The following VPS13B variants were observed in gnomAD, a reference collection of about 807,000 sequenced individuals.
VPS13B encodes intermembrane lipid transfer protein VPS13B.
In VPS13B, 285 loss-of-function variants were observed where a neutral mutation model predicts 426.4. That is an observed-to-expected ratio of 0.67 (90% CI 0.61 to 0.74). The LOEUF (loss-of-function observed/expected upper bound fraction) is 0.74. Among genes scored for constraint, VPS13B ranks in the 30% least tolerant of loss-of-function variants. The probability of loss-of-function intolerance (pLI) is 0.00; values close to 1 mark genes in which losing one functional copy is unlikely to be tolerated. For synonymous variants in VPS13B, 1,676 were observed against 1,676.4 expected (o/e 1.00, Z 0.01); for missense variants, 4,537 against 4,782.6 (o/e 0.95, Z 1.51).
chr8:99,405,770 C>T (rs1815290740), intron 21 of VPS13B, among the ~76,000 whole-genome samples: 1 of 151,562 alleles, frequency 6.6e-6, no homozygotes, highest in African/African-American at 2.4e-5. Context: ...TATACTTCAT[C>T]CTTTTTTTTC....
At chr8:99,407,531 C>T (rs1815394957) in intron 21 of VPS13B, among the ~76,000 whole-genome samples, 1 of 152,142 alleles carries the variant, frequency 6.6e-6, no homozygotes, top group Admixed American at 6.5e-5. Flanking sequence ...CATGACCTAG[C>T]ACAAGTAGGC....
At chr8:99,564,520 G>A (rs2099207574) in intron 31 of VPS13B, among the ~76,000 whole-genome samples, 1 of 152,204 alleles carries the variant, frequency 6.6e-6, no homozygotes, top group Admixed American at 6.5e-5. Context: ...AGTTGCTGTT[G>A]TTCAGCAGGG....
chr8:99,871,299 G>C (rs1588811550), intron 60 of VPS13B, 149 bp from the exon 61 acceptor site: 1 of 1,217,010 alleles, frequency 8.2e-7, no homozygotes, highest in Non-Finnish European at 1.2e-6. Flanking sequence ...TCTGAGAACT[G>C]ACAATTACAT....
chr8:99,716,225 A>G (rs1832915309), intron 36 of VPS13B, among the ~76,000 whole-genome samples: 4 of 152,142 alleles, frequency 2.6e-5, no homozygotes, highest in African/African-American at 7.2e-5. Flanking sequence ...CATATATGAA[A>G]TTTTCAAGTC....
chr8:99,471,144 G>A (rs1423688483), intron 24 of VPS13B, among the ~76,000 whole-genome samples: 1 of 152,084 alleles, frequency 6.6e-6, no homozygotes, highest in Non-Finnish European at 1.5e-5. Flanking sequence ...TACAAGAAAT[G>A]CTAAAGGAAA....
At chr8:99,024,946 T>C (rs143826342) in intron 2 of VPS13B, among the ~76,000 whole-genome samples, 2 of 152,194 alleles carry the variant, frequency 1.3e-5, no homozygotes, top group African/African-American at 4.8e-5. Flanking sequence ...AATTTCTTTG[T>C]GTCTTCCTCA....
chr8:99,353,903 G>A (rs894364879), intron 19 of VPS13B, among the ~76,000 whole-genome samples: 5 of 152,066 alleles, frequency 3.3e-5, no homozygotes, highest in African/African-American at 9.7e-5. Context: ...ATGATTTTAT[G>A]TAATTGTGTT....
intron 25 of VPS13B, among the ~76,000 whole-genome samples, chr8:99,488,729 C>T (rs1820432550): frequency 6.6e-6 from 1 of 151,894 alleles, no homozygotes; most frequent in African/African-American, 2.4e-5. Flanking sequence ...TTAGTGGAAC[C>T]TCTGGAAGAG....
At chr8:99,545,305 T>G (rs919698794) in intron 30 of VPS13B, among the ~76,000 whole-genome samples, 2 of 152,112 alleles carry the variant, frequency 1.3e-5, no homozygotes, top group African/African-American at 4.8e-5. Flanking sequence ...TGTACGCACA[T>G]GTAATAGTTT....
intron 19 of VPS13B, among the ~76,000 whole-genome samples, chr8:99,275,996 A>G (rs961716668): frequency 3.4e-4 from 52 of 152,180 alleles, no homozygotes; most frequent in African/African-American, 1.2e-3. Flanking sequence ...GTAACTGGCC[A>G]GTGAGTAGTT....
At chr8:99,842,452 T>TAA (rs569624612) in intron 54 of VPS13B, among the ~76,000 whole-genome samples, 12 of 143,196 alleles carry the variant, frequency 8.4e-5, no homozygotes, top group African/African-American at 3.1e-4. Flanking sequence ...CTACAGAAAT[T>TAA]AAAAAAAAAA....
intron 19 of VPS13B, among the ~76,000 whole-genome samples, chr8:99,278,494 G>A (rs1295072108): frequency 6.6e-6 from 1 of 152,218 alleles, no homozygotes; most frequent in Non-Finnish European, 1.5e-5. Context: ...GTTTTAGGCA[G>A]AGAAAATATT....
At chr8:99,697,797 T>C (rs1314114412) in intron 35 of VPS13B, 1 of 615,556 alleles carries the variant, frequency 1.6e-6, no homozygotes. Flanking sequence ...ATGAAGCAAG[T>C]CAGGCACATT....
intron 33 of VPS13B, among the ~76,000 whole-genome samples, chr8:99,599,129 C>T (rs932902880): frequency 1.3e-5 from 2 of 151,934 alleles, no homozygotes; most frequent in African/African-American, 2.4e-5. Context: ...GATAAATTTA[C>T]ATTTTTTAAA....
intron 33 of VPS13B, among the ~76,000 whole-genome samples, chr8:99,625,248 CTAAG>C (rs1828561115): frequency 6.6e-6 from 1 of 152,054 alleles, no homozygotes; most frequent in Non-Finnish European, 1.5e-5. Context: ...TAAATTATTA[CTAAG>C]TAAGTCAAGA....
At position 99,170,122 on chromosome 8, in the gene VPS13B, C is replaced by T; in HGVS notation, c.2292C>T (p.Ser764=). 1 of 1,612,932 alleles carries T rather than the reference C, an allele frequency of 6.2e-7. No individual in the cohort carries two copies. The highest frequency in any genetic ancestry group is 1.7e-5 in the Admixed American group (1 of 59,964). ...CTGTACCAGTTATTCCCTCTTTCAG[C>T]ACTGCTCTTTATGGGAAACTTCTGA... is the stretch of plus-strand genomic sequence containing the variant. ...CLPVPVIPSF[S]TALYGKLLKL... Residue 764 remains serine, a synonymous_variant, in exon 16 of 62, where the codon AGC becomes AGT. Coordinates refer to ENST00000357162, the MANE Select transcript of VPS13B (RefSeq NM_152564.5).
Position 99,641,825 on chromosome 8 carries a change from A to G in VPS13B, c.5235A>G (p.Glu1745=). Residue 1745 remains glutamate, a synonymous_variant, in exon 34 of 62, where the codon GAA becomes GAG. Transcript: ENST00000357162. The stretch of plus-strand genomic sequence containing the variant: ...TTTTCTTACAGATCTCTAAACAAGA[A>G]CAGAAAAAAGTGGATATATTTGATG... ...SNKAAEISKQ[E]QKKVDIFDGG... is the part of the protein sequence containing the mutation. 1 of 1,610,954 alleles carries G rather than the reference A, an allele frequency of 6.2e-7. No individual in the cohort carries two copies. The highest frequency in any genetic ancestry group is 8.5e-7 in the Non-Finnish European group (1 of 1,177,634).
At chr8:99,233,279 C>T in intron 17 of VPS13B, 1 of 1,159,274 alleles carries the variant, frequency 8.6e-7, no homozygotes, top group Admixed American at 1.7e-5. Flanking sequence ...TTGCCAATCA[C>T]CCGGCCAGCT....
intron 19 of VPS13B, among the ~76,000 whole-genome samples, chr8:99,345,323 T>C (rs1811480234): frequency 6.6e-6 from 1 of 152,194 alleles, no homozygotes; most frequent in African/African-American, 2.4e-5. Flanking sequence ...AACCTTCTTT[T>C]TCAAAATCAG....
Sources: allele counts gnomAD v4.1 joint callset (sites outside exome capture counted in the v4.1 genomes callset), GRCh38; gene constraint gnomAD v4.1.1; transcripts MANE v1.5; gene names NCBI Gene and HGNC (gene_info 2026-07-23, HGNC 2026-07-21).